Variants in TTC29 observed in about 807,000 individuals in gnomAD.
The protein encoded by TTC29 is tetratricopeptide repeat domain 29, also known as tetratricopeptide repeat protein 29.
In TTC29, 49 loss-of-function variants were observed where a neutral mutation model predicts 58.1. The ratio of observed to expected loss-of-function variants is 0.84; its 90% CI spans 0.67 to 1.07. TTC29 has a LOEUF of 1.07. TTC29 is among the 50% of genes least tolerant of loss of function. The pLI, the probability that TTC29 is intolerant of heterozygous loss-of-function variation, is 0.00. For synonymous variants in TTC29, 209 were observed against 196.8 expected, an observed-to-expected ratio of 1.06 and a Z score of -0.52; for missense variants, 582 against 555.6, an observed-to-expected ratio of 1.05 and a Z score of -0.48.
chr4:146,832,483 C>T (rs1728229505), intron 9 of TTC29, among the ~76,000 whole-genome samples: 1 of 152,218 alleles, frequency 6.6e-6, no homozygotes, highest in Non-Finnish European at 1.5e-5. Flanking sequence ...TACTCTCCTT[C>T]TTTTCCTTAT....
intron 4 of TTC29, among the ~76,000 whole-genome samples, chr4:146,931,189 AG>A (rs1002636277): frequency 6.6e-6 from 1 of 152,260 alleles, no homozygotes; most frequent in South Asian, 2.1e-4. Context: ...CAAAAAAAAA[AG>A]TCCCCTCACT....
rs1742023383 is a variant in TTC29, at chr4:146,707,247, T to C, written c.1398-59A>G. The C allele has an allele frequency of 4.2e-6, 5 of 1,190,934 alleles. 1 individual carries two copies. The Middle Eastern group carries it at 7.9e-4, about 187-fold the overall frequency. 73.8% of individuals were successfully genotyped at this position (1,190,934 alleles called of 1,614,324 possible). On this transcript the variant is annotated intron_variant, in intron 12 of 12. Transcript: ENST00000325106. ...TACTGGGCTAGAAAGCAAAGAACAT[T>C]TGTTTTGAAAAATAATTTGTTTTCT...
At chr4:146,722,940 C>T (rs1172302108) in intron 11 of TTC29, among the ~76,000 whole-genome samples, 1 of 152,138 alleles carries the variant, frequency 6.6e-6, no homozygotes, top group East Asian at 1.9e-4. Context: ...TCAAGCGATC[C>T]ACCCGCCTCA....
intron 11 of TTC29, among the ~76,000 whole-genome samples, chr4:146,709,774 T>G (rs979870751): frequency 2.6e-5 from 4 of 152,156 alleles, no homozygotes; most frequent in Non-Finnish European, 5.9e-5. Flanking sequence ...GCTGATGATT[T>G]ATTTTCTGGC....
chr4:146,910,998 T>G (rs1413017080), intron 4 of TTC29, among the ~76,000 whole-genome samples: 1 of 152,072 alleles, frequency 6.6e-6, no homozygotes, highest in Admixed American at 6.6e-5. Context: ...AGTAGAAAAG[T>G]CAACATCCTG....
chr4:146,708,021 C>T (rs1347505335), intron 11 of TTC29, among the ~76,000 whole-genome samples: 4 of 151,946 alleles, frequency 2.6e-5, no homozygotes, highest in Non-Finnish European at 5.9e-5. Context: ...CCAGCTGAGT[C>T]TAGCCTTCCA....
At chr4:146,807,088 T>G (rs976455682) in intron 10 of TTC29, among the ~76,000 whole-genome samples, 3 of 152,142 alleles carry the variant, frequency 2.0e-5, no homozygotes, top group African/African-American at 7.2e-5. Context: ...AGAAACTCAC[T>G]CAAAACTGCA....
In TTC29 at chr4:146,937,601, C is replaced by G. The variant is rs1013590458; in HGVS notation, c.169G>C (p.Val57Leu). 6.5e-7 allele frequency: 1 copy of G among 1,526,736 alleles called. No individual in the cohort carries two copies. The highest frequency in any genetic ancestry group is 8.8e-7 in the Non-Finnish European group (1 of 1,132,428). The allele number at this position is 1,526,736 out of a possible 1,614,324, so 94.6% of individuals were successfully genotyped here. The change falls in exon 4 of 13, where the codon GTT (valine) becomes CTT (leucine). Residue 57 changes from valine (V) to leucine (L), a missense_variant. Physicochemically the swap from Val to Leu is conservative, Grantham distance 32 (BLOSUM62 1). Coordinates refer to ENST00000325106, the MANE Select transcript of TTC29 (RefSeq NM_031956.4). ...VNFKGLSKEEVAAYRNSYKKN... is the reference protein window; with the variant it reads ...VNFKGLSKEELAAYRNSYKKN... ...TTTAAAGGTTGTACTTACGCAGCAA[C>G]TTCCTCTTTTGATAATCCTTTGAAA...
At chr4:146,845,212 T>C (rs1178991572) in intron 8 of TTC29, among the ~76,000 whole-genome samples, 1 of 152,130 alleles carries the variant, frequency 6.6e-6, no homozygotes, top group Non-Finnish European at 1.5e-5. Context: ...CACTGAGAGA[T>C]GAAACAGCTG....
At chr4:146,782,594 G>T (rs2150089739) in intron 11 of TTC29, among the ~76,000 whole-genome samples, 1 of 152,000 alleles carries the variant, frequency 6.6e-6, no homozygotes, top group Middle Eastern at 3.4e-3. Context: ...TGTTTAGTAA[G>T]AAGTAGATGA....
At position 146,899,785 on chromosome 4, in the gene TTC29, T is replaced by C. The variant is rs1041696017; in HGVS notation, c.586+3759A>G. 3.3e-5 allele frequency among the ~76,000 whole-genome samples: 5 copies of C among 152,158 alleles called. No individual in the cohort carries two copies. The East Asian group carries it at 7.7e-4, about 23-fold the overall frequency. On this transcript the variant is annotated intron_variant, in intron 6 of 12. Coordinates refer to ENST00000325106, the MANE Select transcript of TTC29 (RefSeq NM_031956.4). ...CTCATTTGCTCTATGGTTCCCTGAG[T>C]GTGCTGGAGCCCTGCCAAAGACTAT...
intron 11 of TTC29, among the ~76,000 whole-genome samples, chr4:146,801,877 G>A (rs1249825990): frequency 2.0e-5 from 3 of 147,038 alleles, no homozygotes; most frequent in African/African-American, 7.4e-5. Flanking sequence ...TCCTCAGGAG[G>A]CTGAAGCAGG....
intron 11 of TTC29, among the ~76,000 whole-genome samples, chr4:146,716,600 T>C (rs1009011649): frequency 3.9e-5 from 6 of 152,114 alleles, no homozygotes; most frequent in African/African-American, 1.4e-4. Context: ...TGAAAATGAA[T>C]GTTTTCGTAA....
chr4:146,905,117 C>T (rs1393266313), intron 5 of TTC29, among the ~76,000 whole-genome samples: 1 of 152,144 alleles, frequency 6.6e-6, no homozygotes, highest in East Asian at 1.9e-4. Flanking sequence ...TAGCGCATGA[C>T]CTAAGCTATT....
intron 4 of TTC29, among the ~76,000 whole-genome samples, chr4:146,916,336 TA>T (rs1258431613): frequency 6.6e-6 from 1 of 151,628 alleles, no homozygotes; most frequent in East Asian, 1.9e-4. Context: ...TATAAATGTA[TA>T]AAGAGAGAGA....
intron 10 of TTC29, among the ~76,000 whole-genome samples, chr4:146,810,590 T>C (rs75947344): frequency 8.1e-6 from 1 of 122,890 alleles, no homozygotes; most frequent in Non-Finnish European, 1.7e-5. Flanking sequence ...CATACCTTCT[T>C]TTTTTTTTTT....
chr4:146,775,544 CTTT>C (rs35456033), intron 11 of TTC29, among the ~76,000 whole-genome samples: 4 of 135,674 alleles, frequency 2.9e-5, no homozygotes, highest in Admixed American at 7.4e-5. Flanking sequence ...GTTGAAATTT[CTTT>C]TTTTTTTTTT....
At chr4:146,796,162 A>T (rs1749821731) in intron 11 of TTC29, among the ~76,000 whole-genome samples, 1 of 150,704 alleles carries the variant, frequency 6.6e-6, no homozygotes, top group Non-Finnish European at 1.5e-5. Context: ...AAAACTGGTA[A>T]CACCACCAGC....
intron 1 of TTC29, chr4:146,945,455 T>A (rs1299444580): frequency 6.6e-6 from 1 of 152,234 alleles, no homozygotes; most frequent in African/African-American, 2.4e-5. Flanking sequence ...AAAGGACTTA[T>A]CCTATGCCTA....
Sources: allele counts gnomAD v4.1 joint callset (sites outside exome capture counted in the v4.1 genomes callset), GRCh38; gene constraint gnomAD v4.1.1; transcripts MANE v1.5; gene names NCBI Gene and HGNC (gene_info 2026-07-23, HGNC 2026-07-21).